Variants in CDC42BPB observed in about 807,000 individuals in gnomAD.
The protein encoded by CDC42BPB is serine/threonine-protein kinase MRCK beta.
Under a neutral mutation model 214.9 loss-of-function variants are expected in CDC42BPB, and 37 were observed. The ratio of observed to expected loss-of-function variants is 0.17; its 90% confidence interval spans 0.13 to 0.23. The LOEUF (loss-of-function observed/expected upper bound fraction) is 0.23, where lower values mean the gene tolerates loss of function less well. Ranked by LOEUF, CDC42BPB falls within the 10% of genes least tolerant of loss-of-function variation. The probability of loss-of-function intolerance (pLI) is 1.00; values close to 1 mark genes in which losing one functional copy is unlikely to be tolerated. For synonymous variants in CDC42BPB, 931 were observed against 884.0 expected, an observed-to-expected ratio of 1.05 and a Z score of -0.94; for missense variants, 1,694 against 2,227.0, an observed-to-expected ratio of 0.76 and a Z score of 4.82.
chr14:103,044,779 G>A (rs1888200954), intron 1 of CDC42BPB, among the ~76,000 whole-genome samples: 1 of 151,466 alleles, frequency 6.6e-6, no homozygotes, highest in South Asian at 2.1e-4. Flanking sequence ...CCAAAGTGCT[G>A]GGATTGCAGG....
rs1889056091 is a variant in CDC42BPB at position 103,057,504 on chromosome 14, C to G, written c.-331G>C. The G allele has an allele frequency of 6.0e-6, 1 of 167,926 alleles. No homozygotes were observed. Among genetic ancestry groups the G allele is most frequent in the African/African-American group, 2.4e-5 (1 of 41,030 alleles). The allele number at this position is 167,926 out of a possible 1,614,324, so 10.4% of individuals were successfully genotyped here. On this transcript the variant is annotated 5_prime_UTR_variant, in exon 1 of 37. Coordinates refer to ENST00000361246, the MANE Select transcript of CDC42BPB (RefSeq NM_006035.4). ...CGCCGCCGCCGCCGCAGACTAGGAG[C>G]GGCGAGGAGCCTAGCGCTGCGCAAG...
intron 8 of CDC42BPB, 147 bp from the exon 9 acceptor site, chr14:102,978,352 G>A: frequency 2.0e-6 from 3 of 1,480,568 alleles, no homozygotes; most frequent in Non-Finnish European, 2.7e-6. Context: ...TCCTCTGCAG[G>A]GGAGATGAGT....
intron 14 of CDC42BPB, 39 bp downstream of exon 14, chr14:102,970,112 C>A: frequency 4.7e-6 from 7 of 1,486,420 alleles, no homozygotes; most frequent in South Asian, 1.2e-5. Flanking sequence ...AGATAAGCAT[C>A]CCTCTCAGTT....
At chr14:102,985,802 ACG>A (rs1239917773) in intron 6 of CDC42BPB, among the ~76,000 whole-genome samples, 1 of 152,266 alleles carries the variant, frequency 6.6e-6, no homozygotes, top group African/African-American at 2.4e-5. Flanking sequence ...GTGGCCACAG[ACG>A]CAGTGAAAGC....
Position 102,974,031 on chromosome 14 carries a change from C to A in CDC42BPB, c.1626G>T (p.Lys542Asn). Residue 542 changes from lysine (K) to asparagine (N), a missense_variant, in exon 12 of 37, where the codon AAG becomes AAT. Physicochemically the swap from Lys to Asn is moderately conservative, Grantham distance 94. Transcript: ENST00000361246. ...AGCCACCTACCTTGTGCAGCTCCTC[C>A]TTCTCCTGCCGGACCACGCGGTGCT... ...EKQHRVVRQE[K>N]EELHKQLVEA... 1 of 1,610,406 alleles carries A rather than the reference C, an allele frequency of 6.2e-7. No homozygotes were observed. Among genetic ancestry groups the A allele is most frequent in the African/African-American group, 1.3e-5 (1 of 74,746 alleles).
At chr14:102,996,277 T>A (rs906264950) in intron 5 of CDC42BPB, among the ~76,000 whole-genome samples, 1 of 151,856 alleles carries the variant, frequency 6.6e-6, no homozygotes, top group Non-Finnish European at 1.5e-5. Flanking sequence ...GAGGCGGAGC[T>A]TGCAGTGAGC....
intron 1 of CDC42BPB, among the ~76,000 whole-genome samples, chr14:103,051,666 A>AT (rs1192190711): frequency 6.6e-6 from 1 of 152,240 alleles, no homozygotes; most frequent in East Asian, 1.9e-4. Flanking sequence ...ATTTACATGC[A>AT]TTTGAGTATT....
In CDC42BPB at chr14:102,944,293, G is replaced by C; in HGVS notation, c.4006C>G (p.Leu1336Val). 1 of 1,613,120 alleles carries C rather than the reference G, an allele frequency of 6.2e-7. No homozygotes were observed. The highest frequency in any genetic ancestry group is 1.3e-5 in the African/African-American group (1 of 75,070). ...KGCQLMATATLKRNSGTCLFV... is the reference protein window; with the variant it reads ...KGCQLMATATVKRNSGTCLFV... ...AGGCAGGTGCCAGAGTTCCTCTTGA[G>C]TGTGGCCGTGGCCATGAGCTGGCAG... The change falls in exon 30 of 37, where the codon CTC becomes GTC. Residue 1336 changes from leucine (L) to valine (V), a missense_variant. Coordinates refer to ENST00000361246, the MANE Select transcript of CDC42BPB (RefSeq NM_006035.4). This position sits in a 1 kb window ranked among gnomAD's most constrained non-coding sequence, Gnocchi z 6.6.
At chr14:103,000,292 G>A (rs894997698) in intron 4 of CDC42BPB, among the ~76,000 whole-genome samples, 21 of 152,264 alleles carry the variant, frequency 1.4e-4, no homozygotes, top group Admixed American at 2.0e-4. Flanking sequence ...GGCTGAGCCC[G>A]TCACTTCCCC....
chr14:103,030,900 T>C (rs1209677382), intron 1 of CDC42BPB, among the ~76,000 whole-genome samples: 3 of 151,914 alleles, frequency 2.0e-5, no homozygotes, highest in African/African-American at 7.3e-5. Context: ...GACGGGAGGA[T>C]GGCTTGAGCC....
chr14:102,946,158 G>A (rs994750831), intron 28 of CDC42BPB, among the ~76,000 whole-genome samples: 23 of 152,174 alleles, frequency 1.5e-4, no homozygotes, highest in African/African-American at 5.3e-4. Flanking sequence ...ACAGGTGCCC[G>A]CCACCACGCC....
chr14:102,940,164 G>A (rs367996568), intron 31 of CDC42BPB, 34 bp from the exon 32 acceptor site: 12 of 1,613,818 alleles, frequency 7.4e-6, no homozygotes, highest in Admixed American at 1.7e-5. Context: ...CAGTAAGCGC[G>A]GCCACGCACA....
At position 102,940,219 on chromosome 14, in the gene CDC42BPB, C is replaced by T. The variant is rs1477463319; in HGVS notation, c.4506+8G>A. 17 of 1,606,650 alleles carry T rather than the reference C, an allele frequency of 1.1e-5. No individual in the cohort carries two copies. The highest frequency in any genetic ancestry group is 1.2e-5 in the Non-Finnish European group (14 of 1,177,000). ...CGCCCGCACAGGAGGGCACCGAGGC[C>T]GCCTTACCCTCCGCAGGCCGATGGT... is the stretch of plus-strand genomic sequence containing the variant. On this transcript the variant is annotated splice_region_variant and intron_variant, in intron 31 of 36. Transcript: ENST00000361246.
intron 1 of CDC42BPB, among the ~76,000 whole-genome samples, chr14:103,044,254 G>A (rs1444269300): frequency 6.6e-6 from 1 of 151,734 alleles, no homozygotes; most frequent in Non-Finnish European, 1.5e-5. Flanking sequence ...TGGAGACAGA[G>A]TCTCACTCTG....
At chr14:102,995,536 C>T (rs1894688433) in intron 5 of CDC42BPB, among the ~76,000 whole-genome samples, 1 of 152,232 alleles carries the variant, frequency 6.6e-6, no homozygotes, top group Non-Finnish European at 1.5e-5. Flanking sequence ...TCATCAGGGG[C>T]TGACCTCTCA....
chr14:103,031,126 A>G (rs1887348993), intron 1 of CDC42BPB, among the ~76,000 whole-genome samples: 1 of 151,982 alleles, frequency 6.6e-6, no homozygotes, highest in South Asian at 2.1e-4. Context: ...TTTCAGTATT[A>G]TAAAAACGCC....
intron 9 of CDC42BPB, among the ~76,000 whole-genome samples, chr14:102,976,756 G>T (rs1179506423): frequency 6.6e-6 from 1 of 152,212 alleles, no homozygotes; most frequent in Non-Finnish European, 1.5e-5. Context: ...CTCCACAGGT[G>T]GTCTGAGGGT....
intron 18 of CDC42BPB, among the ~76,000 whole-genome samples, chr14:102,965,388 TAAAAAAAAAAA>T (rs765936398): frequency 0.012 from 1,375 of 115,278 alleles, 30 homozygotes; most frequent in African/African-American, 0.04. Flanking sequence ...TACCTGTGAT[TAAAAAAAAAAA>T]AAAAAAAAAA....
intron 25 of CDC42BPB, chr14:102,950,184 GCA>G: frequency 1.2e-6 from 1 of 820,894 alleles, no homozygotes; most frequent in Non-Finnish European, 1.5e-6. Context: ...GGTGGGCCTG[GCA>G]CAGTGGCTTT....
Sources: gnomAD v4.1 joint callset for allele counts (sites outside exome capture counted in the v4.1 genomes callset) on GRCh38, gnomAD v4.1.1 for gene constraint, Gnocchi (gnomAD v3.1) non-coding constraint, MANE v1.5 for transcripts, NCBI Gene and HGNC (gene_info 2026-07-23, HGNC 2026-07-21) for gene names.